APAF1: variants seen among roughly 807,000 people sequenced by gnomAD.
APAF1 encodes apoptotic peptidase activating factor 1.
In APAF1, 91 loss-of-function variants were observed where a neutral mutation model predicts 152.4. The observed-to-expected ratio is 0.60, with a 90% CI of 0.50 to 0.71. The LOEUF (loss-of-function observed/expected upper bound fraction) is 0.71. Among genes scored for constraint, APAF1 ranks in the 30% least tolerant of loss-of-function variants. The pLI, the probability that APAF1 is intolerant of heterozygous loss-of-function variation, is 0.00. For synonymous variants in APAF1, 484 were observed against 494.1 expected (o/e 0.98, Z 0.27); for missense variants, 1,283 against 1,472.0 (o/e 0.87, Z 2.10).
At chr12:98,658,692 G>T (rs2097660873) in intron 4 of APAF1, among the ~76,000 whole-genome samples, 1 of 152,146 alleles carries the variant, frequency 6.6e-6, no homozygotes, top group Non-Finnish European at 1.5e-5. Flanking sequence ...GGTGACATTT[G>T]ACAATGTTTG....
chr12:98,648,294 A>C, intron 1 of APAF1, 25 bp from the exon 2 acceptor site: 3 of 1,562,346 alleles, frequency 1.9e-6, no homozygotes, highest in Non-Finnish European at 2.6e-6. Context: ...TTGGCCTGAC[A>C]AATATTTTGG....
At chr12:98,650,270 G>A (rs1417069001) in intron 4 of APAF1, among the ~76,000 whole-genome samples, 2 of 151,932 alleles carry the variant, frequency 1.3e-5, no homozygotes, top group African/African-American at 2.4e-5. Flanking sequence ...ATCACCTGAG[G>A]TCAGGAGTTC....
rs756434679 is a variant in APAF1, at chr12:98,727,169, G to A, written c.3457-4G>A. Reference sequence around the variant, plus strand: ...TTAATGAATTGTGTATCATGTTTATGTAGATATGGAATGTCTCAAACGGTG... The same window carrying A: ...TTAATGAATTGTGTATCATGTTTATATAGATATGGAATGTCTCAAACGGTG... On this transcript the variant is annotated splice_region_variant and splice_polypyrimidine_tract_variant and intron_variant, in intron 25 of 26. Transcript: ENST00000551964. 19 of 1,613,884 alleles carry A rather than the reference G, an allele frequency of 1.2e-5. No individual in the cohort carries two copies. The Admixed American group carries it at 3.2e-4, about 27-fold the overall frequency.
chr12:98,682,052 G>A (rs555777929), intron 14 of APAF1, among the ~76,000 whole-genome samples: 1 of 123,866 alleles, frequency 8.1e-6, no homozygotes, highest in Non-Finnish European at 1.7e-5. Flanking sequence ...TAATTTTTTT[G>A]TTTTTTTTTT....
intron 4 of APAF1, among the ~76,000 whole-genome samples, chr12:98,655,376 G>A (rs1409159799): frequency 1.3e-4 from 19 of 146,738 alleles, no homozygotes; most frequent in Middle Eastern, 3.7e-3. Flanking sequence ...TGGCCGGGCA[G>A]AGGGGCTCCT....
intron 4 of APAF1, among the ~76,000 whole-genome samples, chr12:98,650,794 C>T (rs1051527668): frequency 7.9e-5 from 12 of 152,122 alleles, no homozygotes; most frequent in Middle Eastern, 3.4e-3. Flanking sequence ...TTTTTTTAAG[C>T]CCCTACTGCA....
At chr12:98,720,781 C>T (rs1296830651) in intron 22 of APAF1, among the ~76,000 whole-genome samples, 6 of 152,064 alleles carry the variant, frequency 3.9e-5, no homozygotes, top group African/African-American at 7.2e-5. Flanking sequence ...CTGGCTAACA[C>T]GGTGAAACCC....
rs773894374 is a variant in APAF1, at chr12:98,662,826, T to A, written c.955+20T>A. ...GTAAAGGTATGGTTATTTATTTGTTTATGAGGAGATTATAGGGAGTTATAT... is the reference window on the plus strand; with the variant it reads ...GTAAAGGTATGGTTATTTATTTGTTAATGAGGAGATTATAGGGAGTTATAT... On this transcript the variant is annotated intron_variant, in intron 7 of 26. Transcript: ENST00000551964. The A allele has an allele frequency of 6.3e-7, 1 of 1,599,310 alleles. No homozygotes were observed. Among genetic ancestry groups the A allele is most frequent in the Non-Finnish European group, 8.6e-7 (1 of 1,169,350 alleles).
At chr12:98,714,071 C>G (rs2097731173) in intron 21 of APAF1, among the ~76,000 whole-genome samples, 1 of 152,132 alleles carries the variant, frequency 6.6e-6, no homozygotes, top group Non-Finnish European at 1.5e-5. Flanking sequence ...ACAGGTGAAC[C>G]TTAGGCTTCC....
At chr12:98,682,366 T>A (rs2097693355) in intron 14 of APAF1, among the ~76,000 whole-genome samples, 1 of 152,204 alleles carries the variant, frequency 6.6e-6, no homozygotes, top group South Asian at 2.1e-4. Context: ...TGATTACTTT[T>A]TACTGAAAAC....
chr12:98,647,705 G>T (rs1039397733), intron 1 of APAF1, among the ~76,000 whole-genome samples: 265 of 105,398 alleles, frequency 2.5e-3, no homozygotes, highest in Non-Finnish European at 3.2e-3. Context: ...TCATGTTTCT[G>T]TTTTTTTTTT....
At chr12:98,685,919 GAGCCGCC>G (rs2097697572) in intron 15 of APAF1, among the ~76,000 whole-genome samples, 3 of 152,166 alleles carry the variant, frequency 2.0e-5, no homozygotes, top group Admixed American at 2.0e-4. Context: ...TTACAGGGGT[GAGCCGCC>G]ATGTCCAGCC....
intron 17 of APAF1, among the ~76,000 whole-genome samples, chr12:98,700,344 A>G (rs1171629240): frequency 6.6e-6 from 1 of 152,216 alleles, no homozygotes; most frequent in Non-Finnish European, 1.5e-5. Context: ...AGTGATTTCA[A>G]AAGACTTGAA....
intron 23 of APAF1, 30 bp from the exon 24 acceptor site, chr12:98,723,609 A>G (rs780832700): frequency 1.3e-6 from 2 of 1,527,514 alleles, no homozygotes; most frequent in African/African-American, 1.4e-5. Flanking sequence ...AAAAGTGTCA[A>G]CCTCCAAGTG....
chr12:98,653,689 A>AATATAT (rs2097652292), intron 4 of APAF1, among the ~76,000 whole-genome samples: 1 of 23,968 alleles, frequency 4.2e-5, no homozygotes, highest in Non-Finnish European at 8.2e-5. Context: ...AAAAAAAAAA[A>AATATAT]AAATATATAT....
chr12:98,667,817 G>A (rs1317826205), intron 10 of APAF1, among the ~76,000 whole-genome samples, 173 bp downstream of exon 10: 1 of 131,790 alleles, frequency 7.6e-6, no homozygotes, highest in Non-Finnish European at 1.6e-5. Context: ...TGTTTCTCAG[G>A]CTGGAGTGCA....
chr12:98,672,417 G>C lies in APAF1; in HGVS notation c.1793+698G>C, dbSNP rs58431430. Among the ~76,000 whole-genome samples the C allele has an allele frequency of 5.8e-3, 878 of 151,972 alleles. 10 individuals are homozygous for C. The highest frequency in any genetic ancestry group is 0.02 in the African/African-American group (844 of 41,426). ...TGATTTCAAGTGAGCTGCATGCCTC[G>C]GCCTCCCAAAGTGCTGGGACTACAG... On this transcript the variant is annotated intron_variant, in intron 12 of 26. Transcript: ENST00000551964.
rs1315386337 is a variant in APAF1, at chr12:98,727,024, A to G, written c.3457-149A>G. On this transcript the variant is annotated intron_variant, in intron 25 of 26. Coordinates refer to ENST00000551964, the MANE Select transcript of APAF1 (RefSeq NM_181861.2). ...ATATATTAAATGCCACTGGAAATAA[A>G]TGGCAATATTAGTATCTGTGTTAGG... 4.5e-6 allele frequency: 3 copies of G among 666,900 alleles called. No individual in the cohort carries two copies. In the African/African-American group the frequency reaches 5.5e-5, roughly 12 times the overall value. 41.3% of individuals were successfully genotyped at this position (666,900 alleles called of 1,614,324 possible).
chr12:98,664,044 G>T (rs965057413), intron 7 of APAF1, among the ~76,000 whole-genome samples: 3 of 140,588 alleles, frequency 2.1e-5, no homozygotes, highest in Non-Finnish European at 4.7e-5. Flanking sequence ...TTTTTGAGAC[G>T]AGTCTCACTC....
Sources: gnomAD v4.1 joint callset for allele counts (sites outside exome capture counted in the v4.1 genomes callset) on GRCh38, gnomAD v4.1.1 for gene constraint, MANE v1.5 for transcripts, NCBI Gene and HGNC (gene_info 2026-07-23, HGNC 2026-07-21) for gene names.